Variants in CIT observed in about 807,000 individuals in gnomAD.
The protein encoded by CIT is citron rho-interacting serine/threonine kinase.
CIT carries 79 observed loss-of-function variants against 272.7 expected under a neutral mutation model. The observed-to-expected ratio is 0.29, with a 90% CI of 0.24 to 0.35. CIT has a LOEUF of 0.35. Among genes scored for constraint, CIT ranks in the 10% least tolerant of loss-of-function variants. CIT has a pLI of 1.00. For synonymous variants in CIT, 948 were observed against 995.6 expected, an observed-to-expected ratio of 0.95 and a Z score of 0.90; for missense variants, 1,909 against 2,618.3, an observed-to-expected ratio of 0.73 and a Z score of 5.91.
At chr12:119,714,443 G>T in intron 32 of CIT, 109 bp from the exon 33 acceptor site, 2 of 1,132,062 alleles carry the variant, frequency 1.8e-6, no homozygotes, top group Non-Finnish European at 2.5e-6. Flanking sequence ...TCAAATCTCT[G>T]ATAAGGGACT....
chr12:119,737,128 A>T (rs1229063247), intron 24 of CIT, among the ~76,000 whole-genome samples: 1 of 152,126 alleles, frequency 6.6e-6, no homozygotes, highest in Non-Finnish European at 1.5e-5. Context: ...TAACACGGTG[A>T]AACCCCGTCT....
At chr12:119,751,946 C>G in intron 23 of CIT, 104 bp downstream of exon 23, 1 of 1,025,708 alleles carries the variant, frequency 9.7e-7, no homozygotes, top group Non-Finnish European at 1.4e-6. Flanking sequence ...ATCATGTTTT[C>G]CCTCCTGGAA....
At position 119,712,138 on chromosome 12, in the gene CIT, C is replaced by CT; in HGVS notation, c.4854+39dup. The CT allele has an allele frequency of 6.5e-7, 1 of 1,538,600 alleles. No homozygotes were observed. Among genetic ancestry groups the CT allele is most frequent in the Non-Finnish European group, 8.7e-7 (1 of 1,144,442 alleles). On this transcript the variant is annotated intron_variant, in intron 37 of 47. Transcript: ENST00000392521. The surrounding 1 kb of genome is among the most constrained non-coding windows in gnomAD (Gnocchi z 5.2). ...TAACACCAGTTACCAAGTCAGCCCC[C>CT]TTTACAAAGACAACCTCCAGGGCCC...
intron 32 of CIT, among the ~76,000 whole-genome samples, chr12:119,716,568 C>T (rs1480444311): frequency 6.6e-6 from 1 of 152,180 alleles, no homozygotes; most frequent in East Asian, 1.9e-4. Context: ...CAGCTCTACC[C>T]TAGTGTTCCT....
At chr12:119,826,256 C>G (rs1477123079) in intron 7 of CIT, among the ~76,000 whole-genome samples, 1 of 152,136 alleles carries the variant, frequency 6.6e-6, no homozygotes, top group Non-Finnish European at 1.5e-5. Context: ...ACCCCTAACC[C>G]TTGTTCCTGT....
Position 119,689,945 on chromosome 12 carries a change from C to T in CIT, c.6186+206G>A, listed in dbSNP as rs539243215. Among the ~76,000 whole-genome samples the T allele has an allele frequency of 2.0e-5, 3 of 152,186 alleles. No homozygotes were observed. The East Asian group carries it at 5.8e-4, about 29-fold the overall frequency. ...CCACCCGCCTCGGCCTCCCAAAGTG[C>T]TGGGATTGCAGGCGTGAGCCACCAC... On this transcript the variant is annotated intron_variant, in intron 47 of 47. Coordinates refer to ENST00000392521, the MANE Select transcript of CIT (RefSeq NM_001206999.2).
intron 28 of CIT, 56 bp from the exon 29 acceptor site, chr12:119,721,505 C>T: frequency 6.8e-7 from 1 of 1,480,580 alleles, no homozygotes; most frequent in Non-Finnish European, 9.1e-7. Context: ...ACAATTTGTT[C>T]CCCTGCTGTT....
At chr12:119,805,508 G>A (rs762581169) in intron 9 of CIT, among the ~76,000 whole-genome samples, 5 of 152,200 alleles carry the variant, frequency 3.3e-5, no homozygotes, top group Non-Finnish European at 7.3e-5. Context: ...TAGTGACATA[G>A]AGCAGAATCT....
intron 24 of CIT, among the ~76,000 whole-genome samples, chr12:119,735,916 A>G (rs1207012646): frequency 1.4e-5 from 2 of 144,904 alleles, no homozygotes; most frequent in Non-Finnish European, 3.1e-5. Flanking sequence ...GGAAACTCAG[A>G]AAAACCCTGA....
At chr12:119,789,702 TTTTTGTTTTG>T (rs1364732526) in intron 10 of CIT, among the ~76,000 whole-genome samples, 1 of 152,082 alleles carries the variant, frequency 6.6e-6, no homozygotes, top group Non-Finnish European at 1.5e-5. Flanking sequence ...CTTTTTTTGT[TTTTTGTTTTG>T]TTTTGTTTTG....
intron 9 of CIT, among the ~76,000 whole-genome samples, chr12:119,821,027 G>A (rs1239175128): frequency 6.6e-6 from 1 of 152,114 alleles, no homozygotes; most frequent in Non-Finnish European, 1.5e-5. Context: ...CAGGCGTGGT[G>A]GCTCACACCT....
rs1312919783 is a variant in CIT, at chr12:119,686,404, C to T, written c.*1828G>A. On this transcript the variant is annotated 3_prime_UTR_variant, in exon 48 of 48. Coordinates refer to ENST00000392521, the MANE Select transcript of CIT (RefSeq NM_001206999.2). ...GACGGGAGGGGAGGGAGTACGACCC[C>T]ACAGACTCCAAGCAACACATAAAAC... 6.6e-6 allele frequency: 1 copy of T among 152,158 alleles called. No homozygotes were observed. The highest frequency in any genetic ancestry group is 1.5e-5 in the Non-Finnish European group (1 of 68,060). The allele number at this position is 152,158 out of a possible 1,614,324, so 9.4% of individuals were successfully genotyped here. A position where few individuals can be genotyped will look rare whatever the true frequency, so the allele number is the denominator to read the frequency against.
At chr12:119,841,855 T>C (rs1229126686) in intron 5 of CIT, among the ~76,000 whole-genome samples, 1 of 152,136 alleles carries the variant, frequency 6.6e-6, no homozygotes, top group African/African-American at 2.4e-5. Context: ...AATTAACACA[T>C]ACAGCAGAGC....
At chr12:119,729,764 G>A (rs1319527981) in intron 27 of CIT, among the ~76,000 whole-genome samples, 1 of 152,114 alleles carries the variant, frequency 6.6e-6, no homozygotes, top group Non-Finnish European at 1.5e-5. Flanking sequence ...TTTCTATCAT[G>A]AAATAACAAA....
intron 21 of CIT, 104 bp downstream of exon 21, chr12:119,758,487 C>A: frequency 1.4e-6 from 1 of 737,256 alleles, no homozygotes. Context: ...CTACAGAAGT[C>A]ATTCAATCCA....
intron 10 of CIT, among the ~76,000 whole-genome samples, chr12:119,787,987 T>C (rs183248554): frequency 1.3e-5 from 2 of 152,168 alleles, no homozygotes; most frequent in Non-Finnish European, 2.9e-5. Context: ...TTTCCATTAC[T>C]ACCCATGCAA....
intron 28 of CIT, among the ~76,000 whole-genome samples, chr12:119,723,300 CTGTT>C (rs1319899386): frequency 6.6e-6 from 1 of 150,930 alleles, no homozygotes; most frequent in Non-Finnish European, 1.5e-5. Context: ...GGACGAGAAT[CTGTT>C]TGGTGACAGC....
chr12:119,760,828 G>A (rs1961689470), intron 20 of CIT, 111 bp downstream of exon 20: 1 of 767,346 alleles, frequency 1.3e-6, no homozygotes, highest in African/African-American at 1.7e-5. Context: ...AACTCCACAG[G>A]ATTCAACAGA....
intron 9 of CIT, among the ~76,000 whole-genome samples, chr12:119,819,437 C>T (rs996857958): frequency 2.0e-5 from 3 of 152,188 alleles, no homozygotes; most frequent in African/African-American, 2.4e-5. Context: ...ACTCCCAGTT[C>T]TGTCATTCAT....
Sources: gnomAD v4.1 joint callset for allele counts (sites outside exome capture counted in the v4.1 genomes callset) on GRCh38, gnomAD v4.1.1 for gene constraint, Gnocchi (gnomAD v3.1) non-coding constraint, MANE v1.5 for transcripts, NCBI Gene and HGNC (gene_info 2026-07-23, HGNC 2026-07-21) for gene names.